FTCD: variants seen among roughly 807,000 people sequenced by gnomAD.
FTCD encodes formimidoyltransferase cyclodeaminase.
Under a neutral mutation model 62.9 loss-of-function variants are expected in FTCD, and 76 were observed. That is an observed-to-expected ratio of 1.21 (90% CI 1.00 to 1.46). The LOEUF (loss-of-function observed/expected upper bound fraction) is 1.46. FTCD is among the 40% of genes most tolerant of loss of function. The pLI, the probability that FTCD is intolerant of heterozygous loss-of-function variation, is 0.00. For synonymous variants in FTCD, 397 were observed against 336.9 expected, an observed-to-expected ratio of 1.18 and a Z score of -1.95; for missense variants, 845 against 751.3, an observed-to-expected ratio of 1.12 and a Z score of -1.46.
Position 46,145,440 on chromosome 21 carries a change from C to A in FTCD, c.1237G>T (p.Ala413Ser). Residue 413 changes from alanine to serine, a missense_variant, in exon 10 of 14, where the codon GCC becomes TCC. Ala to Ser is a moderately conservative substitution (Grantham distance 99). Transcript: ENST00000397746. ...ACCAGGTAGGCGGTGAAGGCCTCGG[C>A]GTCGGCATCCACCAGCGTGGTTAGC... is the stretch of plus-strand genomic sequence containing the variant. ...AKLTTLVDAD[A>S]EAFTAYLEAM... The A allele has an allele frequency of 6.4e-7, 1 of 1,556,406 alleles. No homozygotes were observed. The highest frequency in any genetic ancestry group is 8.7e-7 in the Non-Finnish European group (1 of 1,151,026).
intron 12 of FTCD, 108 bp downstream of exon 12, chr21:46,138,400 T>C: frequency 9.1e-7 from 1 of 1,098,406 alleles, no homozygotes; most frequent in Non-Finnish European, 1.3e-6. Context: ...AAGTGAGGTC[T>C]CCCTACCTGG....
chr21:46,154,573 G>A (rs1275954436), intron 1 of FTCD, among the ~76,000 whole-genome samples: 2 of 152,234 alleles, frequency 1.3e-5, no homozygotes, highest in East Asian at 3.8e-4. Context: ...GCTGCAGGTG[G>A]TGCCTCCAGG....
rs377758230 is a variant in FTCD at position 46,151,879 on chromosome 21, G to A, written c.456+13C>T. On this transcript the variant is annotated intron_variant, in intron 4 of 13. Coordinates refer to ENST00000397746, the MANE Select transcript of FTCD (RefSeq NM_206965.2). ...ACCTCCTTCCCAGGCCCGACCGCCC[G>A]GGGTGGGGGCACCTTCTTAGGGAGG... 49 of 1,556,100 alleles carry A rather than the reference G, an allele frequency of 3.1e-5. No individual in the cohort carries two copies. Among genetic ancestry groups the A allele is most frequent in the South Asian group, 1.1e-4 (9 of 85,522 alleles).
chr21:46,146,434 C>T (rs1378392746), intron 7 of FTCD, 107 bp from the exon 8 acceptor site: 16 of 777,284 alleles, frequency 2.1e-5, no homozygotes, highest in Non-Finnish European at 3.2e-5. Flanking sequence ...CTGCCCCGAG[C>T]ACACAGGTGC....
At position 46,145,916 on chromosome 21, in the gene FTCD, C is replaced by G. The variant is rs1170507132; in HGVS notation, c.1000G>C (p.Gly334Arg). ...YLVPERGPER[G>R]LGSKSLRAFV... ...GCGCGCAGGGACTTGCTGCCCAGGCCTCGCTCAGGCCCGCGCTCAGGGACC... is the reference window on the plus strand; with the variant it reads ...GCGCGCAGGGACTTGCTGCCCAGGCGTCGCTCAGGCCCGCGCTCAGGGACC... The change falls in exon 9 of 14, where the codon GGC becomes CGC. Residue 334 changes from glycine (G) to arginine (R), a missense_variant. By Grantham distance (125) the Gly-to-Arg change is moderately radical. Coordinates refer to ENST00000397746, the MANE Select transcript of FTCD (RefSeq NM_206965.2). 1 of 1,502,272 alleles carries G rather than the reference C, an allele frequency of 6.7e-7. No individual in the cohort carries two copies. 93.1% of individuals were successfully genotyped at this position (1,502,272 alleles called of 1,614,324 possible).
chr21:46,151,551 G>T lies in FTCD; in HGVS notation c.636+7C>A. ...TGGGGCTCCATGGGGTCAGTGAACGGGGTCACCTGGTCCTTCCCGCGGCCC... is the reference window on the plus strand; with the variant it reads ...TGGGGCTCCATGGGGTCAGTGAACGTGGTCACCTGGTCCTTCCCGCGGCCC... On this transcript the variant is annotated splice_region_variant and intron_variant, in intron 5 of 13. Coordinates refer to ENST00000397746, the MANE Select transcript of FTCD (RefSeq NM_206965.2). The T allele has an allele frequency of 6.2e-7, 1 of 1,611,064 alleles. No homozygotes were observed. The highest frequency in any genetic ancestry group is 8.5e-7 in the Non-Finnish European group (1 of 1,178,578).
At chr21:46,136,498 T>C (rs1427562186), downstream of FTCD, 1 of 1,612,418 alleles carries the variant, frequency 6.2e-7, no homozygotes, top group Non-Finnish European at 8.5e-7. Context: ...GGGGTTTCTG[T>C]CCCATGCACA....
chr21:46,138,963 G>A (rs373743434), intron 10 of FTCD, 40 bp from the exon 11 acceptor site: 2 of 1,543,322 alleles, frequency 1.3e-6, no homozygotes, highest in Admixed American at 1.7e-5. Context: ...AGGGACCGTA[G>A]GGGGAGCAGC....
chr21:46,137,303 A>C lies in FTCD; in HGVS notation c.1475T>G (p.Phe492Cys), dbSNP rs1429282453. 4 of 1,613,828 alleles carry C rather than the reference A, an allele frequency of 2.5e-6. No individual in the cohort carries two copies. In the Admixed American group the frequency reaches 6.7e-5, roughly 27 times the overall value. ...GATGAGCACGTTGAAATATGCGCCA[A>C]ACACGCCCATCTCCAGGGCTTTGGC... Reference protein sequence around the residue: ...VAAKALEMGVFGAYFNVLINL... With the variant: ...VAAKALEMGVCGAYFNVLINL... The change falls in exon 13 of 14, where the codon TTT becomes TGT. Residue 492 changes from phenylalanine to cysteine, a missense_variant. Coordinates refer to ENST00000397746, the MANE Select transcript of FTCD (RefSeq NM_206965.2).
chr21:46,150,582 G>A, intron 5 of FTCD, 57 bp from the exon 6 acceptor site: 1 of 1,583,446 alleles, frequency 6.3e-7, no homozygotes, highest in South Asian at 1.1e-5. Flanking sequence ...GCCTGGCCCT[G>A]CCAGTCTCTC....
At chr21:46,141,884 G>C (rs759491689) in intron 10 of FTCD, among the ~76,000 whole-genome samples, 2 of 152,210 alleles carry the variant, frequency 1.3e-5, no homozygotes, top group Non-Finnish European at 2.9e-5. Context: ...CAGAAAGCAG[G>C]GTTCTGCAAG....
At chr21:46,151,188 T>C (rs1227398204) in intron 5 of FTCD, among the ~76,000 whole-genome samples, 1 of 151,772 alleles carries the variant, frequency 6.6e-6, no homozygotes, top group Non-Finnish European at 1.5e-5. Flanking sequence ...TGAAGGTTTG[T>C]AGGGGTGTCG....
chr21:46,147,617 C>T (rs1401427807), intron 7 of FTCD, among the ~76,000 whole-genome samples: 1 of 152,052 alleles, frequency 6.6e-6, no homozygotes, highest in Admixed American at 6.5e-5. Context: ...CTGTGCAGGC[C>T]GCAGGCATGG....
intron 3 of FTCD, chr21:46,152,614 T>C (rs2079319047): frequency 5.9e-6 from 2 of 338,100 alleles, no homozygotes; most frequent in Non-Finnish European, 1.1e-5. Flanking sequence ...TTGATTTAGT[T>C]AATTTCCCAA....
intron 10 of FTCD, among the ~76,000 whole-genome samples, chr21:46,141,109 C>G (rs1209354133): frequency 2.0e-5 from 3 of 151,490 alleles, no homozygotes; most frequent in Admixed American, 2.0e-4. Flanking sequence ...TTTTAAATTT[C>G]TAAACATAAA....
At position 46,138,644 on chromosome 21, in the gene FTCD, C is replaced by T. The variant is rs373471933; in HGVS notation, c.1307G>A (p.Arg436His). 145 of 1,594,936 alleles carry T rather than the reference C, an allele frequency of 9.1e-5. No homozygotes were observed. Among genetic ancestry groups the T allele is most frequent in the Admixed American group, 1.9e-4 (11 of 59,296 alleles). Residue 436 changes from arginine to histidine, a missense_variant and splice_region_variant, in exon 12 of 14, where the codon CGC (arginine) becomes CAC (histidine). Coordinates refer to ENST00000397746, the MANE Select transcript of FTCD (RefSeq NM_206965.2). ...CAGACCCTCCTGTAGGGCCGCCGTG[C>T]GCCTGAAAGGAGCAAGAGGAGAGCC... is the stretch of plus-strand genomic sequence containing the variant. Reference protein sequence around the residue: ...PKNTPEEKDRRTAALQEGLRR... With the variant: ...PKNTPEEKDRHTAALQEGLRR...
chr21:46,139,494 G>A (rs2078947629), intron 10 of FTCD, among the ~76,000 whole-genome samples: 2 of 152,308 alleles, frequency 1.3e-5, no homozygotes, highest in African/African-American at 4.8e-5. Flanking sequence ...AACCTTCCAA[G>A]GACCCACTGG....
chr21:46,151,390 G>A (rs1332779372), intron 5 of FTCD, among the ~76,000 whole-genome samples, 168 bp downstream of exon 5: 1 of 152,240 alleles, frequency 6.6e-6, no homozygotes, highest in Non-Finnish European at 1.5e-5. Flanking sequence ...CGACCTGCGC[G>A]GTCCCCGCAC....
At chr21:46,155,253 C>T (rs965564751) in intron 1 of FTCD, among the ~76,000 whole-genome samples, 5 of 152,172 alleles carry the variant, frequency 3.3e-5, no homozygotes, top group African/African-American at 9.6e-5. Context: ...CAAGCCTCAG[C>T]CCCCACAAGC....
Sources: gnomAD v4.1 joint callset for allele counts (sites outside exome capture counted in the v4.1 genomes callset) on GRCh38, gnomAD v4.1.1 for gene constraint, MANE v1.5 for transcripts, NCBI Gene and HGNC (gene_info 2026-07-23, HGNC 2026-07-21) for gene names.